The following CRB1 variants were observed in gnomAD, a reference collection of about 807,000 sequenced individuals.
The protein encoded by CRB1 is protein crumbs homolog 1.
In CRB1, 83 loss-of-function variants were observed where a neutral mutation model predicts 120.0. That is an observed-to-expected ratio of 0.69 (90% CI 0.58 to 0.83). The LOEUF (loss-of-function observed/expected upper bound fraction) is 0.83. Among genes scored for constraint, CRB1 ranks in the 40% least tolerant of loss-of-function variants. CRB1 has a pLI of 0.00. For synonymous variants in CRB1, 625 were observed against 612.5 expected (o/e 1.02, Z -0.30); for missense variants, 1,699 against 1,687.6 (o/e 1.01, Z -0.12).
chr1:197,332,216 C>T (rs1427530493), intron 2 of CRB1, among the ~76,000 whole-genome samples: 1 of 152,054 alleles, frequency 6.6e-6, no homozygotes, highest in Non-Finnish European at 1.5e-5. Context: ...GAAATGTAGT[C>T]AAATTCCATC....
intron 5 of CRB1, among the ~76,000 whole-genome samples, chr1:197,372,027 G>A (rs560745886): frequency 1.0e-3 from 155 of 152,122 alleles, no homozygotes; most frequent in African/African-American, 3.6e-3. Flanking sequence ...GGCTGAACTC[G>A]AATTTTCATA....
chr1:197,345,809 T>G (rs761177900), intron 3 of CRB1, among the ~76,000 whole-genome samples: 6 of 152,176 alleles, frequency 3.9e-5, no homozygotes, highest in Non-Finnish European at 5.9e-5. Flanking sequence ...CACCTGGCTC[T>G]CAAATTTTAA....
chr1:197,451,712 A>G (rs952515345), intron 11 of CRB1, among the ~76,000 whole-genome samples: 1 of 152,220 alleles, frequency 6.6e-6, no homozygotes, highest in Admixed American at 6.5e-5. Context: ...GATCTGAAAC[A>G]GAATCGAGGC....
At chr1:197,472,553 T>C (rs1416977559) in intron 11 of CRB1, among the ~76,000 whole-genome samples, 1 of 152,210 alleles carries the variant, frequency 6.6e-6, no homozygotes, top group Non-Finnish European at 1.5e-5. Flanking sequence ...CTCCTTCTGA[T>C]ATGTTTATTG....
intron 5 of CRB1, among the ~76,000 whole-genome samples, chr1:197,395,481 A>G (rs190705454): frequency 2.1e-3 from 313 of 152,270 alleles, no homozygotes; most frequent in Admixed American, 8.0e-3. Flanking sequence ...AACAGAGCAG[A>G]TTACCTGGAA....
At chr1:197,363,485 A>T (rs1301569096) in intron 5 of CRB1, among the ~76,000 whole-genome samples, 1 of 152,124 alleles carries the variant, frequency 6.6e-6, no homozygotes, top group African/African-American at 2.4e-5. Context: ...TTCATGGTTG[A>T]CAGTTCTTTT....
chr1:197,300,374 G>A (rs779868573), intron 1 of CRB1, among the ~76,000 whole-genome samples: 6 of 151,904 alleles, frequency 3.9e-5, no homozygotes, highest in Non-Finnish European at 5.9e-5. Flanking sequence ...CACACAAATG[G>A]TAAAAAAGTG....
intron 9 of CRB1, among the ~76,000 whole-genome samples, chr1:197,436,129 C>T (rs1665149537): frequency 6.6e-6 from 1 of 152,086 alleles, no homozygotes; most frequent in African/African-American, 2.4e-5. Context: ...TTTTAACTCT[C>T]CCAAAACATA....
chr1:197,371,820 C>T (rs1248460374), intron 5 of CRB1, among the ~76,000 whole-genome samples: 1 of 152,082 alleles, frequency 6.6e-6, no homozygotes, highest in Non-Finnish European at 1.5e-5. Flanking sequence ...AGTAAGAAGC[C>T]TGCTCCTTGT....
chr1:197,466,020 G>T (rs1666735360), intron 11 of CRB1, among the ~76,000 whole-genome samples: 1 of 152,102 alleles, frequency 6.6e-6, no homozygotes, highest in Non-Finnish European at 1.5e-5. Flanking sequence ...TACATGAGGG[G>T]AAGCCAATTT....
At chr1:197,383,631 C>T (rs1459881635) in intron 5 of CRB1, among the ~76,000 whole-genome samples, 1 of 152,202 alleles carries the variant, frequency 6.6e-6, no homozygotes, top group East Asian at 1.9e-4. Context: ...CTGTTGAACA[C>T]TGTGACGTAA....
intron 1 of CRB1, among the ~76,000 whole-genome samples, chr1:197,328,207 G>C (rs894943596): frequency 6.6e-6 from 1 of 152,046 alleles, no homozygotes; most frequent in Non-Finnish European, 1.5e-5. Context: ...TGCTCTGAAG[G>C]TATTATCACT....
chr1:197,215,806 G>C, the CRB1 span, among the ~76,000 whole-genome samples: 2 of 152,012 alleles, frequency 1.3e-5, no homozygotes, highest in Admixed American at 1.3e-4. Flanking sequence ...CCTCCTTCCC[G>C]AATAAAGGAC....
chr1:197,247,307 T>C, the CRB1 span, among the ~76,000 whole-genome samples: 1 of 152,106 alleles, frequency 6.6e-6, no homozygotes, highest in Non-Finnish European at 1.5e-5. Flanking sequence ...TGTTTTTGTA[T>C]GTTTGTAACT....
At chr1:197,469,003 C>A (rs951818780) in intron 11 of CRB1, among the ~76,000 whole-genome samples, 2 of 152,200 alleles carry the variant, frequency 1.3e-5, no homozygotes, top group Non-Finnish European at 2.9e-5. Context: ...CCGGCACTAG[C>A]TAGGCTGCAA....
At chr1:197,232,394 G>A in the CRB1 span, among the ~76,000 whole-genome samples, 3 of 152,104 alleles carry the variant, frequency 2.0e-5, no homozygotes, top group Admixed American at 2.0e-4. Flanking sequence ...AGATAAAATG[G>A]TAATGCTTAA....
chr1:197,220,975 G>T, the CRB1 span, among the ~76,000 whole-genome samples: 1 of 152,118 alleles, frequency 6.6e-6, no homozygotes, highest in South Asian at 2.1e-4. Flanking sequence ...AGGTAGTTCT[G>T]TATAGCAGTG....
chr1:197,264,564 A>G (rs1654588766), upstream of CRB1, among the ~76,000 whole-genome samples: 1 of 151,134 alleles, frequency 6.6e-6, no homozygotes, highest in African/African-American at 2.4e-5. Context: ...TTTTCCGTAA[A>G]GGTTGTACCA....
chr1:197,355,171 G>C (rs996452539), intron 4 of CRB1, among the ~76,000 whole-genome samples: 1 of 151,032 alleles, frequency 6.6e-6, no homozygotes, highest in Non-Finnish European at 1.5e-5. Context: ...CAATCCCTTA[G>C]CTAGACATAA....
Sources: gnomAD v4.1 joint callset for allele counts (sites outside exome capture counted in the v4.1 genomes callset) on GRCh38, gnomAD v4.1.1 for gene constraint, MANE v1.5 for transcripts, NCBI Gene and HGNC (gene_info 2026-07-23, HGNC 2026-07-21) for gene names.